The following ZNF618 variants were observed in gnomAD, a reference collection of about 807,000 sequenced individuals.
ZNF618 encodes zinc finger protein 618.
A neutral mutation model predicts 103.0 loss-of-function variants in ZNF618; 34 were observed. The ratio of observed to expected loss-of-function variants is 0.33; its 90% CI spans 0.25 to 0.44. ZNF618 has a LOEUF of 0.44. ZNF618 is among the 20% of genes least tolerant of loss of function. The probability of loss-of-function intolerance (pLI) is 1.00; values close to 1 mark genes in which losing one functional copy is unlikely to be tolerated. For synonymous variants in ZNF618, 551 were observed against 542.2 expected (o/e 1.02, Z -0.23); for missense variants, 1,059 against 1,295.4 (o/e 0.82, Z 2.80).
chr9:113,887,525 A>G (rs1829192008), intron 1 of ZNF618, among the ~76,000 whole-genome samples: 1 of 152,194 alleles, frequency 6.6e-6, no homozygotes, highest in Admixed American at 6.5e-5. Context: ...ATAGAGACCC[A>G]GGTCACATTG....
intron 1 of ZNF618, among the ~76,000 whole-genome samples, chr9:113,955,323 G>T (rs1342701912): frequency 6.7e-6 from 1 of 148,266 alleles, no homozygotes; most frequent in East Asian, 2.0e-4. Flanking sequence ...ACACTGCAAA[G>T]AAAACAGAAT....
intron 1 of ZNF618, among the ~76,000 whole-genome samples, chr9:113,927,463 G>C (rs1833205490): frequency 6.6e-6 from 1 of 152,190 alleles, no homozygotes; most frequent in African/African-American, 2.4e-5. Flanking sequence ...TGTTGATGTG[G>C]TGCTAAGGAC....
rs1286644739 is a variant in ZNF618, at chr9:114,008,478, C to A, written c.678C>A (p.Asp226Glu). Residue 226 changes from aspartate to glutamate, a missense_variant and splice_region_variant, in exon 9 of 15, where the codon GAC (aspartate) becomes GAA (glutamate). By Grantham distance (45) the Asp-to-Glu change is conservative. Coordinates refer to ENST00000374126, the MANE Select transcript of ZNF618 (RefSeq NM_001318042.2). ...SVEGAPENRA[D>E]PFDQGVVATD... Reference sequence around the variant, plus strand: ...TAAGGGCCGTGTGTTCTCCCACAGACCCCTTCGACCAAGGTGTCGTGGCCA... The same window carrying A: ...TAAGGGCCGTGTGTTCTCCCACAGAACCCTTCGACCAAGGTGTCGTGGCCA... 2 of 1,613,956 alleles carry A rather than the reference C, an allele frequency of 1.2e-6. No homozygotes were observed. The highest frequency in any genetic ancestry group is 3.3e-5 in the Admixed American group (2 of 60,022).
intron 1 of ZNF618, among the ~76,000 whole-genome samples, chr9:113,953,766 A>C (rs1265818338): frequency 2.0e-5 from 3 of 152,174 alleles, no homozygotes; most frequent in African/African-American, 7.2e-5. Context: ...TAAGGATGCT[A>C]TGTAGACACA....
Position 113,998,355 on chromosome 9 carries a change from G to C in ZNF618, c.433+1G>C. 6.5e-7 allele frequency: 1 copy of C among 1,550,238 alleles called. No individual in the cohort carries two copies. The highest frequency in any genetic ancestry group is 8.7e-7 in the Non-Finnish European group (1 of 1,146,882). Reference sequence around the variant, plus strand: ...GACCAAGCATTGAGATATGCATCTGGTACGTGATGGCCAAGGGGTAGTGCC... The same window carrying C: ...GACCAAGCATTGAGATATGCATCTGCTACGTGATGGCCAAGGGGTAGTGCC... On this transcript the variant is annotated splice_donor_variant, in intron 4 of 14. Coordinates refer to ENST00000374126, the MANE Select transcript of ZNF618 (RefSeq NM_001318042.2). LOFTEE classifies it high-confidence loss of function.
At chr9:113,945,230 T>C (rs916427668) in intron 1 of ZNF618, among the ~76,000 whole-genome samples, 7 of 152,164 alleles carry the variant, frequency 4.6e-5, no homozygotes, top group Admixed American at 2.0e-4. Flanking sequence ...TCATCTCTCT[T>C]TGCTTGGTTT....
chr9:113,928,137 GT>G (rs1199404889), intron 1 of ZNF618, among the ~76,000 whole-genome samples: 1 of 152,104 alleles, frequency 6.6e-6, no homozygotes, highest in African/African-American at 2.4e-5. Flanking sequence ...AGTTTGGATA[GT>G]TCCTATTGAA....
Position 114,048,504 on chromosome 9 carries a change from T to C in ZNF618, c.1349-147T>C. 6.2e-6 allele frequency: 5 copies of C among 804,988 alleles called. No individual in the cohort carries two copies. In the South Asian group the frequency reaches 9.4e-5, roughly 15 times the overall value. 49.9% of individuals were successfully genotyped at this position (804,988 alleles called of 1,614,324 possible). On this transcript the variant is annotated intron_variant, in intron 14 of 14. Coordinates refer to ENST00000374126, the MANE Select transcript of ZNF618 (RefSeq NM_001318042.2). ...TTATCCCTGTGAGACCATCATATAT[T>C]AAAGGCAGCCAGCACCACCCATGTG...
At chr9:113,968,143 C>A (rs1837594296) in intron 1 of ZNF618, among the ~76,000 whole-genome samples, 1 of 152,156 alleles carries the variant, frequency 6.6e-6, no homozygotes, top group South Asian at 2.1e-4. Context: ...GGAGAAAAGG[C>A]TAGTGACAGT....
intron 10 of ZNF618, among the ~76,000 whole-genome samples, chr9:114,023,344 G>A (rs1002926488): frequency 1.3e-5 from 2 of 151,886 alleles, no homozygotes; most frequent in South Asian, 2.1e-4. Flanking sequence ...AGTCCACCAC[G>A]AATTTATATC....
rs117715100 is a variant in ZNF618, at chr9:113,885,341, C to G, written c.33+8928C>G. ...TCTTCACAGGAATGACATAAGATAA[C>G]AAGTTTGAAAATGCTTTGTAAACTC... On this transcript the variant is annotated intron_variant, in intron 1 of 14. Transcript: ENST00000374126. 3.2e-3 allele frequency among the ~76,000 whole-genome samples: 494 copies of G among 152,298 alleles called. 3 individuals carry two copies. Among genetic ancestry groups the G allele is most frequent in the Non-Finnish European group, 5.5e-3 (376 of 68,024 alleles).
chr9:113,898,287 C>CT (rs1351574317), intron 1 of ZNF618, among the ~76,000 whole-genome samples: 3 of 152,130 alleles, frequency 2.0e-5, no homozygotes, highest in African/African-American at 7.2e-5. Flanking sequence ...ATGCTTAACT[C>CT]TATTTTTGTC....
chr9:114,009,196 G>C (rs1193503151), intron 9 of ZNF618, among the ~76,000 whole-genome samples: 1 of 152,188 alleles, frequency 6.6e-6, no homozygotes, highest in East Asian at 1.9e-4. Context: ...GGGGACAGCA[G>C]ATCATTGAAC....
At chr9:114,006,500 T>G (rs1052068013) in intron 6 of ZNF618, among the ~76,000 whole-genome samples, 5 of 152,154 alleles carry the variant, frequency 3.3e-5, no homozygotes, top group Admixed American at 6.5e-5. Flanking sequence ...GAGGGGGTAA[T>G]GTCCTGTGTC....
intron 3 of ZNF618, among the ~76,000 whole-genome samples, chr9:113,997,192 C>T (rs890222312): frequency 3.3e-5 from 5 of 151,848 alleles, no homozygotes; most frequent in Admixed American, 3.3e-4. Context: ...ACTGCAGCCT[C>T]GACCTCCAGG....
chr9:114,043,366 A>AT (rs1845381239), intron 13 of ZNF618, among the ~76,000 whole-genome samples: 1 of 152,108 alleles, frequency 6.6e-6, no homozygotes, highest in Non-Finnish European at 1.5e-5. Context: ...GAGGATTCTA[A>AT]TTTCTCCATA....
At chr9:113,878,137 A>T (rs1267447504) in intron 1 of ZNF618, among the ~76,000 whole-genome samples, 2 of 151,692 alleles carry the variant, frequency 1.3e-5, no homozygotes, top group African/African-American at 2.4e-5. Context: ...GATTACTTTC[A>T]AAGGGGGAAA....
Position 113,972,293 on chromosome 9 carries a change from C to T in ZNF618, c.77+3133C>T, listed in dbSNP as rs551313546. On this transcript the variant is annotated intron_variant, in intron 2 of 14. Coordinates refer to ENST00000374126, the MANE Select transcript of ZNF618 (RefSeq NM_001318042.2). ...CAAACTCCTGAGTTCTAGTGATGCA[C>T]CCATCTTGGCCTCCCAAAGTGCTGG... Among the ~76,000 whole-genome samples, 13 of 152,282 alleles carry T rather than the reference C, an allele frequency of 8.5e-5. No homozygotes were observed. The South Asian group carries it at 2.7e-3, about 32-fold the overall frequency.
At chr9:113,986,506 G>C (rs1268762555) in intron 2 of ZNF618, among the ~76,000 whole-genome samples, 1 of 152,184 alleles carries the variant, frequency 6.6e-6, no homozygotes, top group African/African-American at 2.4e-5. Context: ...AGCACGGTTG[G>C]GTTCTGGTGA....
Sources: allele counts gnomAD v4.1 joint callset (sites outside exome capture counted in the v4.1 genomes callset), GRCh38; gene constraint gnomAD v4.1.1; transcripts MANE v1.5; gene names NCBI Gene and HGNC (gene_info 2026-07-23, HGNC 2026-07-21).